Variants in SPATS2L observed in about 807,000 individuals in gnomAD.
The protein encoded by SPATS2L is spermatogenesis associated serine rich 2 like, also known as SPATS2-like protein.
Under a neutral mutation model 59.6 loss-of-function variants are expected in SPATS2L, and 30 were observed. The ratio of observed to expected loss-of-function variants is 0.50; its 90% CI spans 0.38 to 0.68. The LOEUF (loss-of-function observed/expected upper bound fraction) is 0.68. Among genes scored for constraint, SPATS2L ranks in the 30% least tolerant of loss-of-function variants. SPATS2L has a pLI of 0.00. For synonymous variants in SPATS2L, 252 were observed against 263.5 expected, an observed-to-expected ratio of 0.96 and a Z score of 0.42; for missense variants, 615 against 700.0, an observed-to-expected ratio of 0.88 and a Z score of 1.37.
chr2:200,315,158 A>C (rs1309918329), intron 1 of SPATS2L, among the ~76,000 whole-genome samples: 1 of 152,202 alleles, frequency 6.6e-6, no homozygotes, highest in Non-Finnish European at 1.5e-5. Context: ...TTGAATGATT[A>C]AGTCAGCCCT....
intron 8 of SPATS2L, among the ~76,000 whole-genome samples, chr2:200,452,212 A>T (rs987574477): frequency 6.6e-6 from 1 of 152,262 alleles, no homozygotes; most frequent in Non-Finnish European, 1.5e-5. Context: ...AACTGAACTA[A>T]TAAGTAATTA....
At chr2:200,474,290 T>C (rs1032761862) in intron 12 of SPATS2L, among the ~76,000 whole-genome samples, 2 of 152,144 alleles carry the variant, frequency 1.3e-5, no homozygotes, top group African/African-American at 2.4e-5. Flanking sequence ...TAGTTAAAGA[T>C]CATAATCAAA....
chr2:200,389,834 C>T (rs2082117152), intron 3 of SPATS2L: 1 of 152,754 alleles, frequency 6.5e-6, no homozygotes, highest in Admixed American at 6.5e-5. Flanking sequence ...TTGTTGGAGA[C>T]TGATTCCACT....
At chr2:200,377,066 A>G in intron 2 of SPATS2L, among the ~76,000 whole-genome samples, 1 of 152,258 alleles carries the variant, frequency 6.6e-6, no homozygotes, top group South Asian at 2.1e-4. Flanking sequence ...ATATTCTTTT[A>G]TAGCACTTTT....
At chr2:200,396,388 G>A (rs780798269) in intron 3 of SPATS2L, among the ~76,000 whole-genome samples, 11 of 152,096 alleles carry the variant, frequency 7.2e-5, no homozygotes, top group Non-Finnish European at 1.3e-4. Flanking sequence ...TGTCCAGAGA[G>A]GTGACATATT....
intron 2 of SPATS2L, among the ~76,000 whole-genome samples, chr2:200,339,894 G>A (rs2080265445): frequency 2.0e-5 from 3 of 152,164 alleles, no homozygotes; most frequent in African/African-American, 4.8e-5. Context: ...AATGCTGAAT[G>A]TTCCTGTTTA....
intron 1 of SPATS2L, among the ~76,000 whole-genome samples, chr2:200,307,379 C>T (rs1009168612): frequency 4.0e-5 from 6 of 151,878 alleles, no homozygotes; most frequent in African/African-American, 1.4e-4. Flanking sequence ...CCGCAAAGCC[C>T]ACGTCAGCCG....
chr2:200,352,225 CA>C (rs1273545438), intron 2 of SPATS2L, among the ~76,000 whole-genome samples: 3 of 150,770 alleles, frequency 2.0e-5, no homozygotes, highest in Non-Finnish European at 4.4e-5. Flanking sequence ...TAGAAAAGGG[CA>C]TATACTTAAA....
intron 10 of SPATS2L, among the ~76,000 whole-genome samples, chr2:200,467,793 G>C (rs967223477): frequency 6.6e-6 from 1 of 152,168 alleles, no homozygotes; most frequent in African/African-American, 2.4e-5. Flanking sequence ...GTGTAATGGT[G>C]AAGATTAGAA....
intron 1 of SPATS2L, among the ~76,000 whole-genome samples, chr2:200,312,831 T>C (rs1009987032): frequency 1.3e-5 from 2 of 152,198 alleles, no homozygotes; most frequent in Non-Finnish European, 2.9e-5. Context: ...TTAATTCACC[T>C]TAGGGATCAA....
At chr2:200,396,437 G>A (rs1469931270) in intron 3 of SPATS2L, among the ~76,000 whole-genome samples, 1 of 152,136 alleles carries the variant, frequency 6.6e-6, no homozygotes, top group East Asian at 1.9e-4. Context: ...AGGTGTTCAT[G>A]TCTGTGTGTC....
At chr2:200,441,360 T>C (rs2084686330) in intron 8 of SPATS2L, among the ~76,000 whole-genome samples, 1 of 152,210 alleles carries the variant, frequency 6.6e-6, no homozygotes, top group Non-Finnish European at 1.5e-5. Context: ...ATTGAAATGA[T>C]ATATCTGTTA....
chr2:200,377,633 T>C (rs995121889), intron 2 of SPATS2L, among the ~76,000 whole-genome samples: 2 of 152,220 alleles, frequency 1.3e-5, no homozygotes, highest in African/African-American at 4.8e-5. Flanking sequence ...ATGTACTCTA[T>C]CACATGCTTC....
Position 200,473,004 on chromosome 2 carries a change from C to T in SPATS2L, c.1233C>T (p.Leu411=). 1 of 1,613,790 alleles carries T rather than the reference C, an allele frequency of 6.2e-7. No individual in the cohort carries two copies. The highest frequency in any genetic ancestry group is 1.1e-5 in the South Asian group (1 of 91,062). Residue 411 remains leucine, a synonymous_variant, in exon 12 of 13, where the codon CTC becomes CTT. Transcript: ENST00000409140. ...CAAACCCCAAAATGGTGAGCAGTCT[C>T]CCCAGCACCGCCGACCCCTCTCACC... The part of the protein sequence containing the change: ...KAANPKMVSS[L]PSTADPSHQT...
chr2:200,393,778 C>T (rs552234911), intron 3 of SPATS2L, among the ~76,000 whole-genome samples: 17 of 152,268 alleles, frequency 1.1e-4, no homozygotes, highest in African/African-American at 3.9e-4. Flanking sequence ...TTTTAATTCT[C>T]AAAATTAAGA....
chr2:200,409,172 G>C (rs1292388042), intron 3 of SPATS2L, among the ~76,000 whole-genome samples: 1 of 152,218 alleles, frequency 6.6e-6, no homozygotes, highest in Non-Finnish European at 1.5e-5. Context: ...AACAGCCGCT[G>C]CGGGCGTGAA....
At chr2:200,377,301 A>T (rs1023437404) in intron 2 of SPATS2L, among the ~76,000 whole-genome samples, 1 of 152,330 alleles carries the variant, frequency 6.6e-6, no homozygotes, top group East Asian at 1.9e-4. Flanking sequence ...TCATAAGAAC[A>T]TAAGGAAGAA....
At chr2:200,394,750 A>G (rs554323884) in intron 3 of SPATS2L, among the ~76,000 whole-genome samples, 17 of 152,350 alleles carry the variant, frequency 1.1e-4, no homozygotes, top group Middle Eastern at 3.4e-3. Context: ...TAAATAAAGC[A>G]TATTTTAAAT....
At chr2:200,453,606 C>T (rs2085621524) in intron 8 of SPATS2L, among the ~76,000 whole-genome samples, 1 of 152,210 alleles carries the variant, frequency 6.6e-6, no homozygotes, top group African/African-American at 2.4e-5. Context: ...ATGCTCAGTG[C>T]TAGCTAGTAC....
Sources: gnomAD v4.1 joint callset for allele counts (sites outside exome capture counted in the v4.1 genomes callset) on GRCh38, gnomAD v4.1.1 for gene constraint, MANE v1.5 for transcripts, NCBI Gene and HGNC (gene_info 2026-07-23, HGNC 2026-07-21) for gene names.